Variants in AMPH observed in about 807,000 individuals in gnomAD.
The protein encoded by AMPH is amphiphysin (Stiff-Mann syndrome with breast cancer 128kD autoantigen).
In AMPH, 49 loss-of-function variants were observed where a neutral mutation model predicts 99.1. The observed-to-expected ratio is 0.49, with a 90% CI of 0.39 to 0.63. The LOEUF is 0.63. Ranked by LOEUF, AMPH falls within the 20% of genes least tolerant of loss-of-function variation. The pLI is 0.00. For synonymous variants in AMPH, 314 were observed against 317.3 expected (o/e 0.99, Z 0.11); for missense variants, 759 against 863.4 (o/e 0.88, Z 1.52).
In AMPH at chr7:38,384,775, TA is replaced by T; in HGVS notation, c.*42del. On this transcript the variant is annotated 3_prime_UTR_variant, in exon 21 of 21. Coordinates refer to ENST00000356264, the MANE Select transcript of AMPH (RefSeq NM_001635.4). ...AACTCTTCAGGTTTTCATGAAGGTT[TA>T]AAAACCCCGTAACTGAGCTCCTTCT... is the stretch of plus-strand genomic sequence containing the variant. 1.3e-6 allele frequency: 2 copies of T among 1,538,412 alleles called. No individual in the cohort carries two copies. The highest frequency in any genetic ancestry group is 1.8e-6 in the Non-Finnish European group (2 of 1,112,514).
intron 1 of AMPH, among the ~76,000 whole-genome samples, chr7:38,569,679 T>C (rs1331640354): frequency 1.3e-5 from 2 of 152,074 alleles, no homozygotes; most frequent in East Asian, 3.9e-4. Context: ...AGTTTTGGGA[T>C]GAAAAGCAAA....
intron 1 of AMPH, among the ~76,000 whole-genome samples, chr7:38,581,249 G>A (rs1792446834): frequency 6.6e-6 from 1 of 152,170 alleles, no homozygotes; most frequent in African/African-American, 2.4e-5. Context: ...CAGGAAAGGG[G>A]GGAAAGAGTG....
intron 2 of AMPH, among the ~76,000 whole-genome samples, chr7:38,524,798 T>C (rs953487340): frequency 6.6e-6 from 1 of 152,186 alleles, no homozygotes; most frequent in Admixed American, 6.5e-5. Flanking sequence ...TTTAATCTTT[T>C]CTTGAAAATC....
chr7:38,613,965 G>T (rs1328353559), intron 1 of AMPH, among the ~76,000 whole-genome samples: 2 of 151,998 alleles, frequency 1.3e-5, no homozygotes, highest in East Asian at 3.9e-4. Context: ...ATGTGACATG[G>T]CAGGAGTCCA....
intron 12 of AMPH, among the ~76,000 whole-genome samples, chr7:38,434,695 C>T (rs1786189827): frequency 6.7e-6 from 1 of 150,292 alleles, no homozygotes; most frequent in African/African-American, 2.5e-5. Context: ...GCCAAGATCG[C>T]ACCACTGCAC....
chr7:38,438,173 A>G (rs1786363360), intron 11 of AMPH, among the ~76,000 whole-genome samples: 1 of 152,256 alleles, frequency 6.6e-6, no homozygotes, highest in Non-Finnish European at 1.5e-5. Flanking sequence ...AACTTTACAC[A>G]TATGAACATT....
At chr7:38,386,200 C>G (rs766967496) in intron 20 of AMPH, among the ~76,000 whole-genome samples, 1 of 152,076 alleles carries the variant, frequency 6.6e-6, no homozygotes, top group African/African-American at 2.4e-5. Context: ...GAAAAGTGCC[C>G]TCTTTAAAAT....
At chr7:38,530,172 C>G (rs747884490) in intron 2 of AMPH, among the ~76,000 whole-genome samples, 19 of 152,200 alleles carry the variant, frequency 1.2e-4, no homozygotes, top group Non-Finnish European at 2.5e-4. Context: ...AAAGCACTAG[C>G]TCCCATGGAA....
intron 9 of AMPH, 49 bp downstream of exon 9, chr7:38,465,418 A>C: frequency 6.6e-7 from 1 of 1,509,506 alleles, no homozygotes; most frequent in Admixed American, 2.0e-5. Context: ...AGATTGAAGA[A>C]ATTTTAGCAA....
rs577167467 is a variant in AMPH, at chr7:38,414,349, A to G, written c.1398+3476T>C. ...CAACAATTCTAAGAACGTCTTTACC[A>G]CAGTCTTCCTTACATTTATATGTTC... On this transcript the variant is annotated intron_variant, in intron 17 of 20. Coordinates refer to ENST00000356264, the MANE Select transcript of AMPH (RefSeq NM_001635.4). Among the ~76,000 whole-genome samples, 80 of 152,318 alleles carry G rather than the reference A, an allele frequency of 5.3e-4. No homozygotes were observed. The South Asian group carries it at 6.4e-3, about 12-fold the overall frequency.
At chr7:38,441,698 T>C (rs1036437098) in intron 11 of AMPH, among the ~76,000 whole-genome samples, 5 of 150,002 alleles carry the variant, frequency 3.3e-5, no homozygotes, top group African/African-American at 9.8e-5. Flanking sequence ...TCAACATAAC[T>C]ACCTATCAAT....
intron 2 of AMPH, among the ~76,000 whole-genome samples, chr7:38,507,225 T>A (rs1358187061): frequency 6.6e-6 from 1 of 152,152 alleles, no homozygotes; most frequent in East Asian, 1.9e-4. Flanking sequence ...AAATAAGAAA[T>A]CTAGAAGAGA....
intron 8 of AMPH, 112 bp downstream of exon 8, chr7:38,466,060 GA>G: frequency 1.2e-6 from 1 of 831,482 alleles, no homozygotes. Context: ...ACTGCTAAAA[GA>G]AACATACAAA....
At chr7:38,470,113 C>G (rs2129012104) in intron 7 of AMPH, among the ~76,000 whole-genome samples, 1 of 152,280 alleles carries the variant, frequency 6.6e-6, no homozygotes, top group South Asian at 2.1e-4. Context: ...CCTATCAACA[C>G]CCTTCCTCCT....
chr7:38,612,334 C>A (rs10282173), intron 1 of AMPH, among the ~76,000 whole-genome samples: 12,163 of 151,980 alleles, frequency 0.08, 801 homozygotes, highest in African/African-American at 0.17. Flanking sequence ...CCTCGGCCTC[C>A]CAAAGTGCTG....
chr7:38,540,692 CAAAAAAAAAA>C (rs373768495), intron 1 of AMPH, among the ~76,000 whole-genome samples: 568 of 19,762 alleles, frequency 0.029, 12 homozygotes, highest in Middle Eastern at 0.11. Flanking sequence ...TGACCCCAAG[CAAAAAAAAAA>C]AAAAAAAAAA....
chr7:38,574,118 A>T (rs1792146561), intron 1 of AMPH, among the ~76,000 whole-genome samples: 1 of 152,246 alleles, frequency 6.6e-6, no homozygotes, highest in South Asian at 2.1e-4. Flanking sequence ...TATCCTGAAC[A>T]GTCAGCTAAC....
chr7:38,570,309 T>C (rs979214069), intron 1 of AMPH, among the ~76,000 whole-genome samples: 4 of 152,210 alleles, frequency 2.6e-5, no homozygotes, highest in African/African-American at 7.2e-5. Flanking sequence ...CAACATATGA[T>C]CATCCAGAAA....
At chr7:38,566,450 G>C (rs1259103638) in intron 1 of AMPH, among the ~76,000 whole-genome samples, 1 of 152,054 alleles carries the variant, frequency 6.6e-6, no homozygotes, top group Non-Finnish European at 1.5e-5. Flanking sequence ...AACCGTAGAA[G>C]AAAACCTAGG....
Sources: gnomAD v4.1 joint callset for allele counts (sites outside exome capture counted in the v4.1 genomes callset) on GRCh38, gnomAD v4.1.1 for gene constraint, MANE v1.5 for transcripts, NCBI Gene and HGNC (gene_info 2026-07-23, HGNC 2026-07-21) for gene names.